Variants in CFAP299 observed in about 807,000 individuals in gnomAD.
CFAP299 encodes cilia- and flagella-associated protein 299.
CFAP299 carries 21 observed loss-of-function variants against 27.0 expected under a neutral mutation model. The ratio of observed to expected loss-of-function variants is 0.78; its 90% confidence interval spans 0.55 to 1.12. CFAP299 has a LOEUF of 1.12. CFAP299 is among the 50% of genes most tolerant of loss of function. The pLI, the probability that CFAP299 is intolerant of heterozygous loss-of-function variation, is 0.00. For missense variants in CFAP299, 310 were observed against 276.6 expected, an observed-to-expected ratio of 1.12 and a Z score of -0.86; for synonymous variants, 104 against 98.1, an observed-to-expected ratio of 1.06 and a Z score of -0.36.
chr4:80,934,145 A>G (rs1214645492), intron 4 of CFAP299, among the ~76,000 whole-genome samples: 2 of 152,108 alleles, frequency 1.3e-5, no homozygotes, highest in African/African-American at 4.8e-5. Context: ...AAAGGATGTC[A>G]ACTTTTGTCA....
At chr4:80,539,060 C>T (rs555870945) in intron 2 of CFAP299, among the ~76,000 whole-genome samples, 1 of 152,114 alleles carries the variant, frequency 6.6e-6, no homozygotes. Flanking sequence ...ATTTGTTCCA[C>T]TAAATTAAAT....
At position 80,886,059 on chromosome 4, in the gene CFAP299, G is replaced by A. The variant is rs549786730; in HGVS notation, c.476+15924G>A. Among the ~76,000 whole-genome samples, 3 of 152,266 alleles carry A rather than the reference G, an allele frequency of 2.0e-5. No individual in the cohort carries two copies. The East Asian group carries it at 5.8e-4, about 29-fold the overall frequency. On this transcript the variant is annotated intron_variant, in intron 4 of 5. Coordinates refer to ENST00000358105, the MANE Select transcript of CFAP299 (RefSeq NM_152770.3). ...TGGGTTTTAAGTGAACATCAGTGGTGGCCTGGCAGAACACCCCACGGACTA... is the reference window on the plus strand; with the variant it reads ...TGGGTTTTAAGTGAACATCAGTGGTAGCCTGGCAGAACACCCCACGGACTA...
intron 3 of CFAP299, among the ~76,000 whole-genome samples, chr4:80,855,937 G>A (rs1731849865): frequency 6.6e-6 from 1 of 151,838 alleles, no homozygotes; most frequent in African/African-American, 2.4e-5. Context: ...TGGGATGGCT[G>A]GGTCAAATGG....
chr4:80,859,091 C>T (rs1282085678), intron 3 of CFAP299, among the ~76,000 whole-genome samples: 1 of 152,164 alleles, frequency 6.6e-6, no homozygotes, highest in Non-Finnish European at 1.5e-5. Flanking sequence ...AATCTGGGTG[C>T]TCCTGTATTG....
At chr4:80,514,496 T>C (rs1385254069) in intron 2 of CFAP299, among the ~76,000 whole-genome samples, 2 of 152,098 alleles carry the variant, frequency 1.3e-5, no homozygotes, top group South Asian at 2.1e-4. Context: ...TGGAAAATTA[T>C]GAGCATAAAA....
chr4:80,575,887 G>A (rs968746937), intron 2 of CFAP299, among the ~76,000 whole-genome samples: 1 of 151,942 alleles, frequency 6.6e-6, no homozygotes, highest in African/African-American at 2.4e-5. Flanking sequence ...TCCTTTGTAG[G>A]GACACGGATG....
chr4:80,596,617 A>G (rs1016674710), intron 3 of CFAP299, among the ~76,000 whole-genome samples: 1 of 152,242 alleles, frequency 6.6e-6, no homozygotes, highest in Non-Finnish European at 1.5e-5. Flanking sequence ...CTTAGCAAAC[A>G]TATAAAAGCA....
the CFAP299 span, among the ~76,000 whole-genome samples, chr4:80,325,543 A>G: frequency 6.6e-6 from 1 of 152,180 alleles, no homozygotes; most frequent in African/African-American, 2.4e-5. Flanking sequence ...ATTTTCTACA[A>G]TGACAACAGT....
intron 4 of CFAP299, chr4:80,870,890 C>T (rs1733045653): frequency 1.0e-6 from 1 of 984,966 alleles, no homozygotes; most frequent in Non-Finnish European, 1.2e-6. Context: ...TGAAGACTTC[C>T]TTATCCATCA....
intron 3 of CFAP299, among the ~76,000 whole-genome samples, chr4:80,660,093 C>G (rs1040165855): frequency 6.6e-6 from 1 of 152,132 alleles, no homozygotes; most frequent in African/African-American, 2.4e-5. Context: ...ATTAAAATTT[C>G]TTACTCAGAA....
chr4:80,355,478 C>T (rs991225959), intron 1 of CFAP299, among the ~76,000 whole-genome samples: 2 of 151,680 alleles, frequency 1.3e-5, no homozygotes, highest in African/African-American at 4.9e-5. Flanking sequence ...CTGCCTCAGC[C>T]TCCTGAGTAG....
chr4:80,325,022 C>T, the CFAP299 span, among the ~76,000 whole-genome samples: 1 of 152,238 alleles, frequency 6.6e-6, no homozygotes, highest in Non-Finnish European at 1.5e-5. Context: ...ACTCAGTAGG[C>T]TGAGGCAGGA....
At chr4:80,682,249 T>C (rs1047930532) in intron 3 of CFAP299, among the ~76,000 whole-genome samples, 1 of 152,184 alleles carries the variant, frequency 6.6e-6, no homozygotes, top group Non-Finnish European at 1.5e-5. Flanking sequence ...GTTCTAAATC[T>C]AATCTTTAGT....
chr4:80,944,380 A>G (rs1737363189), intron 4 of CFAP299, among the ~76,000 whole-genome samples: 1 of 152,206 alleles, frequency 6.6e-6, no homozygotes, highest in South Asian at 2.1e-4. Context: ...TGAGGAAAAA[A>G]AGCGGAGCCT....
intron 3 of CFAP299, among the ~76,000 whole-genome samples, chr4:80,801,972 A>G (rs1276055878): frequency 6.6e-6 from 1 of 152,072 alleles, no homozygotes; most frequent in East Asian, 1.9e-4. Flanking sequence ...TCAGAGAAAC[A>G]TGTTGTTTTG....
intron 2 of CFAP299, among the ~76,000 whole-genome samples, chr4:80,541,867 C>T (rs1388165431): frequency 1.3e-5 from 2 of 151,854 alleles, no homozygotes; most frequent in East Asian, 3.9e-4. Context: ...AGTTGTTTAC[C>T]TATTACCATA....
intron 3 of CFAP299, among the ~76,000 whole-genome samples, chr4:80,728,182 G>A (rs1723268189): frequency 6.6e-6 from 1 of 151,872 alleles, no homozygotes; most frequent in Non-Finnish European, 1.5e-5. Flanking sequence ...CATATGATTT[G>A]TTGCACAATA....
intron 3 of CFAP299, among the ~76,000 whole-genome samples, chr4:80,776,136 A>C (rs1356968820): frequency 6.6e-6 from 1 of 152,176 alleles, no homozygotes; most frequent in Non-Finnish European, 1.5e-5. Context: ...AGAGGCTTTC[A>C]AAACTGTTTA....
intron 3 of CFAP299, among the ~76,000 whole-genome samples, chr4:80,619,714 C>T (rs74855547): frequency 0.043 from 6,484 of 152,040 alleles, 439 homozygotes; most frequent in African/African-American, 0.14. Context: ...TTTCCAGGCA[C>T]CTATACTGGC....
Sources: gnomAD v4.1 joint callset for allele counts (sites outside exome capture counted in the v4.1 genomes callset) on GRCh38, gnomAD v4.1.1 for gene constraint, MANE v1.5 for transcripts, NCBI Gene and HGNC (gene_info 2026-07-23, HGNC 2026-07-21) for gene names.